The following CTIF variants were observed in gnomAD, a reference collection of about 807,000 sequenced individuals.
CTIF encodes the protein CBP80/20-dependent translation initiation factor.
Under a neutral mutation model 66.0 loss-of-function variants are expected in CTIF, and 21 were observed. That is an observed-to-expected ratio of 0.32 (90% CI 0.23 to 0.46). The LOEUF is 0.46. Ranked by LOEUF, CTIF falls within the 20% of genes least tolerant of loss-of-function variation. The pLI, the probability that CTIF is intolerant of heterozygous loss-of-function variation, is 1.00. For missense variants in CTIF, 739 were observed against 812.7 expected, an observed-to-expected ratio of 0.91 and a Z score of 1.10; for synonymous variants, 345 against 326.4, an observed-to-expected ratio of 1.06 and a Z score of -0.62.
intron 6 of CTIF, among the ~76,000 whole-genome samples, chr18:48,679,661 C>A (rs1034923506): frequency 1.3e-5 from 2 of 152,206 alleles, no homozygotes; most frequent in Non-Finnish European, 2.9e-5. Flanking sequence ...CAAATCTTCC[C>A]CCTCTTTCAT....
chr18:48,831,576 C>A (rs910960597), intron 10 of CTIF, among the ~76,000 whole-genome samples: 13 of 152,272 alleles, frequency 8.5e-5, no homozygotes, highest in African/African-American at 2.9e-4. Context: ...GAAAGGACAC[C>A]CACAGTCACA....
intron 9 of CTIF, among the ~76,000 whole-genome samples, chr18:48,796,941 TC>T (rs756754470): frequency 8.5e-5 from 13 of 152,164 alleles, no homozygotes; most frequent in Non-Finnish European, 1.6e-4. Flanking sequence ...AGGTCTTTTT[TC>T]TGACAGCTGG....
At chr18:48,765,472 G>A (rs1410362963) in intron 9 of CTIF, among the ~76,000 whole-genome samples, 2 of 152,254 alleles carry the variant, frequency 1.3e-5, no homozygotes, top group Non-Finnish European at 2.9e-5. Context: ...GCTCCCAGCA[G>A]TGGTCTTTAC....
intron 9 of CTIF, among the ~76,000 whole-genome samples, chr18:48,816,737 G>A (rs756000503): frequency 2.6e-5 from 4 of 152,242 alleles, no homozygotes; most frequent in Non-Finnish European, 4.4e-5. Flanking sequence ...GTGCTGGGGC[G>A]CTAGCCCACA....
At chr18:48,804,760 C>A (rs900690366) in intron 9 of CTIF, among the ~76,000 whole-genome samples, 1 of 152,158 alleles carries the variant, frequency 6.6e-6, no homozygotes, top group East Asian at 1.9e-4. Flanking sequence ...ACCCAGGACC[C>A]GGGCAATAAC....
chr18:48,631,808 A>G (rs1183378276), intron 2 of CTIF, among the ~76,000 whole-genome samples: 3 of 152,096 alleles, frequency 2.0e-5, no homozygotes, highest in Admixed American at 6.6e-5. Flanking sequence ...CAAGTAAGAC[A>G]CCACCTTTAC....
intron 7 of CTIF, among the ~76,000 whole-genome samples, chr18:48,746,974 C>G (rs1350106923): frequency 6.6e-6 from 1 of 152,122 alleles, no homozygotes; most frequent in East Asian, 1.9e-4. Flanking sequence ...TCGCCACATG[C>G]TGTCGTAGAT....
intron 9 of CTIF, among the ~76,000 whole-genome samples, chr18:48,814,757 C>T (rs939802906): frequency 6.6e-6 from 1 of 152,230 alleles, no homozygotes; most frequent in African/African-American, 2.4e-5. Flanking sequence ...ACACTGCCTG[C>T]TCCAGGCTCT....
chr18:48,839,029 C>T lies in CTIF; in HGVS notation c.1528-18559C>T, dbSNP rs551135803. Among the ~76,000 whole-genome samples, 4 of 152,348 alleles carry T rather than the reference C, an allele frequency of 2.6e-5. No homozygotes were observed. In the East Asian group the frequency reaches 7.7e-4, roughly 29 times the overall value. On this transcript the variant is annotated intron_variant, in intron 10 of 11. Coordinates refer to ENST00000256413, the MANE Select transcript of CTIF (RefSeq NM_014772.3). ...TGCCGGCTACAGCCCCGAGGCCATC[C>T]CTGACTCACCACCAACCGCCACCCT... is the stretch of plus-strand genomic sequence containing the variant.
intron 9 of CTIF, among the ~76,000 whole-genome samples, chr18:48,765,795 C>T (rs1041443879): frequency 5.3e-5 from 8 of 152,180 alleles, no homozygotes; most frequent in Non-Finnish European, 2.9e-5. Context: ...ACCAATCCCA[C>T]AGCTCCAAAA....
intron 1 of CTIF, among the ~76,000 whole-genome samples, chr18:48,561,133 G>A (rs2145613320): frequency 6.6e-6 from 1 of 151,566 alleles, no homozygotes; most frequent in East Asian, 2.0e-4. Flanking sequence ...CAGCTACATG[G>A]GAGGCTGAGG....
intron 3 of CTIF, among the ~76,000 whole-genome samples, chr18:48,646,822 C>T (rs1291785714): frequency 7.3e-6 from 1 of 137,394 alleles, no homozygotes; most frequent in Non-Finnish European, 1.5e-5. Context: ...GGTGAGAATG[C>T]AGAGAAACTG....
intron 5 of CTIF, among the ~76,000 whole-genome samples, chr18:48,667,233 G>A (rs1339167272): frequency 6.6e-6 from 1 of 152,048 alleles, no homozygotes; most frequent in East Asian, 1.9e-4. Context: ...ATGCGGTGTA[G>A]ACATACAGAC....
intron 7 of CTIF, among the ~76,000 whole-genome samples, chr18:48,733,169 G>T (rs56224021): frequency 0.01 from 1,528 of 152,086 alleles, 27 homozygotes; most frequent in African/African-American, 0.036. Context: ...CAAGGCACTC[G>T]GACACCTCTG....
chr18:48,806,619 C>T (rs1482136126), intron 9 of CTIF, among the ~76,000 whole-genome samples: 5 of 152,182 alleles, frequency 3.3e-5, no homozygotes, highest in Non-Finnish European at 7.3e-5. Flanking sequence ...CCTTGTGCCT[C>T]GACTACCCCC....
intron 9 of CTIF, among the ~76,000 whole-genome samples, chr18:48,791,318 C>G (rs1183348327): frequency 6.6e-6 from 1 of 152,258 alleles, no homozygotes; most frequent in Non-Finnish European, 1.5e-5. Context: ...CTCCCAAGCC[C>G]TGAGCCCCAA....
rs1221294596 is a variant in CTIF at position 48,863,119 on chromosome 18, T to TA, written c.*3561dup. On this transcript the variant is annotated 3_prime_UTR_variant, in exon 12 of 12. Transcript: ENST00000256413. ...CGCCAAAGCTGCCGCGGAACCCCGC[T>TA]AGTGCGACCACCCTCCCTCCGTCGG... 1 of 152,270 alleles carries TA rather than the reference T, an allele frequency of 6.6e-6. No individual in the cohort carries two copies. The highest frequency in any genetic ancestry group is 1.5e-5 in the Non-Finnish European group (1 of 68,056). 9.4% of individuals were successfully genotyped at this position (152,270 alleles called of 1,614,324 possible).
chr18:48,839,594 G>A (rs146329070), intron 10 of CTIF, among the ~76,000 whole-genome samples: 51 of 152,362 alleles, frequency 3.3e-4, no homozygotes, highest in African/African-American at 1.2e-3. Flanking sequence ...GGGGTTGCCT[G>A]TATTGCACAA....
intron 1 of CTIF, among the ~76,000 whole-genome samples, chr18:48,613,660 C>T (rs1229049977): frequency 1.3e-5 from 2 of 152,162 alleles, no homozygotes; most frequent in Non-Finnish European, 1.5e-5. Flanking sequence ...GGCTGGCGGC[C>T]GAGTCTGGAT....
Sources: gnomAD v4.1 joint callset for allele counts (sites outside exome capture counted in the v4.1 genomes callset) on GRCh38, gnomAD v4.1.1 for gene constraint, MANE v1.5 for transcripts, NCBI Gene and HGNC (gene_info 2026-07-23, HGNC 2026-07-21) for gene names.